Variants in CLK1 observed in about 807,000 individuals in gnomAD.
CLK1 encodes dual specificity protein kinase CLK1.
CLK1 carries 40 observed loss-of-function variants against 60.9 expected under a neutral mutation model. The ratio of observed to expected loss-of-function variants is 0.66; its 90% CI spans 0.51 to 0.86. The LOEUF is 0.86. Ranked by LOEUF, CLK1 falls within the 40% of genes least tolerant of loss-of-function variation. The pLI, the probability that CLK1 is intolerant of heterozygous loss-of-function variation, is 0.00. For synonymous variants in CLK1, 203 were observed against 184.4 expected (o/e 1.10, Z -0.82); for missense variants, 563 against 606.1 (o/e 0.93, Z 0.75).
At position 200,854,696 on chromosome 2, in the gene CLK1, C is replaced by G. The variant is rs1173794109; in HGVS notation, c.1141-1G>C. 6.3e-7 allele frequency: 1 copy of G among 1,597,300 alleles called. No homozygotes were observed. The highest frequency in any genetic ancestry group is 2.2e-5 in the East Asian group (1 of 44,754). On this transcript the variant is annotated splice_acceptor_variant, in intron 10 of 12. Coordinates refer to ENST00000321356, the MANE Select transcript of CLK1 (RefSeq NM_004071.4). LOFTEE classifies it high-confidence loss of function. ...CTAAATGCTCCTTACTATCGTGTGT[C>G]TAGAAATAAAATAAAAACAGACTTG...
In CLK1 at chr2:200,854,008, A is replaced by T; in HGVS notation, c.1221-15T>A. 1.3e-6 allele frequency: 2 copies of T among 1,567,518 alleles called. No individual in the cohort carries two copies. The highest frequency in any genetic ancestry group is 1.8e-6 in the Non-Finnish European group (2 of 1,140,492). Reference sequence around the variant, plus strand: ...ATTTACGTTTCCTAAAAATAAGTCAATATCCATTCATGTTTATAACACTGA... The same window carrying T: ...ATTTACGTTTCCTAAAAATAAGTCATTATCCATTCATGTTTATAACACTGA... On this transcript the variant is annotated splice_polypyrimidine_tract_variant and intron_variant, in intron 11 of 12. Coordinates refer to ENST00000321356, the MANE Select transcript of CLK1 (RefSeq NM_004071.4).
At chr2:200,864,489 A>G (rs1339707994) in intron 1 of CLK1, 75 bp downstream of exon 1, 21 of 443,906 alleles carry the variant, frequency 4.7e-5, no homozygotes, top group East Asian at 1.2e-4. Flanking sequence ...AAGCAGGAAA[A>G]GGGGGCATCG....
intron 1 of CLK1, chr2:200,864,258 G>A (rs1046539330): frequency 2.0e-6 from 3 of 1,514,658 alleles, no homozygotes; most frequent in Non-Finnish European, 2.6e-6. Context: ...TTCACAACAT[G>A]GCGCCCGCCC....
At chr2:200,860,318 G>A (rs914455253) in intron 3 of CLK1, 103 bp from the exon 4 acceptor site, 23 of 1,568,888 alleles carry the variant, frequency 1.5e-5, no homozygotes, top group Non-Finnish European at 1.9e-5. Flanking sequence ...AGATATTCAG[G>A]CATTCAGATA....
chr2:200,855,318 T>C lies in CLK1; in HGVS notation c.1058-232A>G, dbSNP rs72927095. Among the ~76,000 whole-genome samples the C allele has an allele frequency of 5.4e-3, 811 of 151,544 alleles. 2 individuals carry two copies. The highest frequency in any genetic ancestry group is 0.01 in the Middle Eastern group (3 of 294). On this transcript the variant is annotated intron_variant, in intron 9 of 12. Coordinates refer to ENST00000321356, the MANE Select transcript of CLK1 (RefSeq NM_004071.4). ...CAGCGAGATCCCACCTCTATTAAGA[T>C]ATATATATATCTGAATTGGCCGGGC...
chr2:200,854,183 A>T (rs763146414), intron 11 of CLK1, 190 bp from the exon 12 acceptor site: 3 of 483,512 alleles, frequency 6.2e-6, no homozygotes, highest in Non-Finnish European at 1.1e-5. Flanking sequence ...GTTTGACTTC[A>T]TTATTTATAA....
chr2:200,853,919 C>A lies in CLK1; in HGVS notation c.1295G>T (p.Arg432Leu), dbSNP rs1464280579. The change falls in exon 12 of 13, where the codon CGC becomes CTC. Residue 432 changes from arginine (R) to leucine (L), a missense_variant. This residue lies in a region of CLK1 where 360 missense variants were observed against 407.0 expected (regional missense o/e 0.88). Transcript: ENST00000321356. ...AAGGCTTACCTTCAGAGGTTTACAG[C>A]GTCTTGAAACATATCTGCCGGCAGA... Reference protein sequence around the residue: ...HSSAGRYVSRRCKPLKEFMLS... With the variant: ...HSSAGRYVSRLCKPLKEFMLS... 2 of 1,610,482 alleles carry A rather than the reference C, an allele frequency of 1.2e-6. No homozygotes were observed. The highest frequency in any genetic ancestry group is 1.7e-5 in the Admixed American group (1 of 59,578).
chr2:200,862,299 C>T (rs980684139), intron 1 of CLK1, among the ~76,000 whole-genome samples: 7 of 152,100 alleles, frequency 4.6e-5, no homozygotes, highest in Admixed American at 1.3e-4. Context: ...AACTGAAGAT[C>T]CACAAAAAAA....
intron 5 of CLK1, 120 bp from the exon 6 acceptor site, chr2:200,858,209 T>C: frequency 8.0e-6 from 6 of 745,638 alleles, no homozygotes; most frequent in Non-Finnish European, 9.5e-6. Context: ...TATGGTTTAG[T>C]GTTCAGTTCT....
intron 3 of CLK1, chr2:200,860,560 T>G: frequency 9.7e-7 from 1 of 1,029,048 alleles, no homozygotes; most frequent in Non-Finnish European, 1.2e-6. Flanking sequence ...AGTGTTCTAA[T>G]TTAATGTTGC....
At position 200,858,842 on chromosome 2, in the gene CLK1, T is replaced by TTAAAAA. The variant is rs146114797; in HGVS notation, c.549-754_549-753insTTTTTA. On this transcript the variant is annotated intron_variant, in intron 5 of 12. Coordinates refer to ENST00000321356, the MANE Select transcript of CLK1 (RefSeq NM_004071.4). ...ACAACAACAACAACAAACAGGGAAC[T>TTAAAAA]AAAAAAAAAGAGTAACGGAAAAAAT... Among the ~76,000 whole-genome samples the TTAAAAA allele has an allele frequency of 3.5e-4, 51 of 147,278 alleles. 1 individual carries two copies. Among genetic ancestry groups the TTAAAAA allele is most frequent in the Non-Finnish European group, 6.4e-4 (43 of 66,982 alleles).
intron 1 of CLK1, among the ~76,000 whole-genome samples, chr2:200,863,525 T>G (rs1450391963): frequency 6.6e-6 from 1 of 151,286 alleles, no homozygotes; most frequent in African/African-American, 2.4e-5. Context: ...CCACTTGCAC[T>G]CCGGCCGGGG....
In CLK1 at chr2:200,853,282, CGA is replaced by C. The variant is rs2038975231; in HGVS notation, c.*22_*23del. ...ACTGATACAGTCTGTAAGATCTCTT[CGA>C]GAGAGCTGTCCAATTACAGATCTAT... On this transcript the variant is annotated 3_prime_UTR_variant, in exon 13 of 13. Transcript: ENST00000321356. 1 of 1,572,526 alleles carries C rather than the reference CGA, an allele frequency of 6.4e-7. No homozygotes were observed. Among genetic ancestry groups the C allele is most frequent in the South Asian group, 1.2e-5 (1 of 85,598 alleles).
At chr2:200,857,152 A>G in intron 7 of CLK1, 167 bp from the exon 8 acceptor site, 1 of 603,826 alleles carries the variant, frequency 1.7e-6, no homozygotes, top group Non-Finnish European at 2.9e-6. Flanking sequence ...CCAAAATTAC[A>G]AAAATTGGCC....
rs898863441 is a variant in CLK1 at position 200,862,669 on chromosome 2, C to T, written c.1-807G>A. Among the ~76,000 whole-genome samples the T allele has an allele frequency of 5.4e-4, 82 of 152,336 alleles. 1 individual carries two copies. Among genetic ancestry groups the T allele is most frequent in the African/African-American group, 1.9e-3 (80 of 41,572 alleles). ...GCCTTTAGTGGTCTCTTCACAGACA[C>T]GTGAAACACACGTCATTCTCCCCGT... On this transcript the variant is annotated intron_variant, in intron 1 of 12. Coordinates refer to ENST00000321356, the MANE Select transcript of CLK1 (RefSeq NM_004071.4).
Position 200,855,088 on chromosome 2 carries a change from TGCAAA to T in CLK1, c.1058-7_1058-3del. ...CACATGGTTGGGACCACCCTAGGGC[TGCAAA>T]GCAAAGCAAAATTTAAGGAAAAAAA... On this transcript the variant is annotated splice_region_variant and splice_polypyrimidine_tract_variant and intron_variant, in intron 9 of 12. Transcript: ENST00000321356. 1.3e-6 allele frequency: 2 copies of T among 1,587,272 alleles called. No homozygotes were observed. Among genetic ancestry groups the T allele is most frequent in the East Asian group, 2.2e-5 (1 of 44,674 alleles).
At position 200,861,878 on chromosome 2, in the gene CLK1, G is replaced by A. The variant is rs1489645920; in HGVS notation, c.1-16C>T. The A allele has an allele frequency of 6.2e-7, 1 of 1,611,736 alleles. No individual in the cohort carries two copies. Among genetic ancestry groups the A allele is most frequent in the South Asian group, 1.1e-5 (1 of 90,922 alleles). ...AGTGTCTCATCTACATAAAAGGCAA[G>A]TTTTTCCTAGTTAAATTGTACCCCA... On this transcript the variant is annotated splice_polypyrimidine_tract_variant and intron_variant, in intron 1 of 12. Transcript: ENST00000321356.
chr2:200,861,998 A>T, intron 1 of CLK1, 136 bp from the exon 2 acceptor site: 1 of 677,220 alleles, frequency 1.5e-6, no homozygotes, highest in Non-Finnish European at 2.5e-6. Flanking sequence ...ATCTGAAATC[A>T]CTGATAAATC....
chr2:200,861,938 C>T, intron 1 of CLK1, 76 bp from the exon 2 acceptor site: 1 of 1,264,014 alleles, frequency 7.9e-7, no homozygotes, highest in Non-Finnish European at 1.1e-6. Context: ...TTACAAAGGT[C>T]CCCTCGTGAC....
Sources: allele counts gnomAD v4.1 joint callset (sites outside exome capture counted in the v4.1 genomes callset), GRCh38; gene constraint gnomAD v4.1.1; regional missense constraint gnomAD v4.1.1; transcripts MANE v1.5; gene names NCBI Gene and HGNC (gene_info 2026-07-23, HGNC 2026-07-21).